RBFOX1: variants seen among roughly 807,000 people sequenced by gnomAD.
The protein encoded by RBFOX1 is RNA binding protein fox-1 homolog 1.
RBFOX1 carries 8 observed loss-of-function variants against 57.7 expected under a neutral mutation model. The observed-to-expected ratio is 0.14, with a 90% CI of 0.08 to 0.25. The LOEUF is 0.25. Ranked by LOEUF, RBFOX1 falls within the 10% of genes least tolerant of loss-of-function variation. The pLI, the probability that RBFOX1 is intolerant of heterozygous loss-of-function variation, is 1.00. For synonymous variants in RBFOX1, 326 were observed against 222.4 expected, an observed-to-expected ratio of 1.47 and a Z score of -4.15; for missense variants, 611 against 548.5, an observed-to-expected ratio of 1.11 and a Z score of -1.14.
intron 3 of RBFOX1, among the ~76,000 whole-genome samples, chr16:6,739,101 A>T (rs1007669741): frequency 2.6e-5 from 4 of 152,256 alleles, no homozygotes; most frequent in South Asian, 4.1e-4. Context: ...AGAGCTAAAT[A>T]AACCTAAAGC....
intron 3 of RBFOX1, among the ~76,000 whole-genome samples, chr16:6,837,565 G>A (rs981988264): frequency 1.3e-5 from 2 of 152,078 alleles, no homozygotes; most frequent in Non-Finnish European, 1.5e-5. Flanking sequence ...GTGAGTACTG[G>A]GCTCAGACTG....
At chr16:6,695,622 C>T (rs896016628) in intron 3 of RBFOX1, among the ~76,000 whole-genome samples, 1 of 152,026 alleles carries the variant, frequency 6.6e-6, no homozygotes, top group African/African-American at 2.4e-5. Context: ...TTGGAATCTT[C>T]TTTAGGGAGA....
intron 3 of RBFOX1, among the ~76,000 whole-genome samples, chr16:6,792,615 C>T (rs1321448016): frequency 6.6e-6 from 1 of 152,182 alleles, no homozygotes; most frequent in East Asian, 1.9e-4. Flanking sequence ...TTGCAAAAAG[C>T]CTTCATGTAA....
chr16:6,580,287 G>T (rs1380293753), intron 2 of RBFOX1, among the ~76,000 whole-genome samples: 3 of 152,148 alleles, frequency 2.0e-5, no homozygotes, highest in Non-Finnish European at 4.4e-5. Flanking sequence ...GGTTTATGTT[G>T]TTTGACTTTT....
chr16:6,361,312 C>T (rs1329310866), intron 2 of RBFOX1, among the ~76,000 whole-genome samples: 1 of 152,024 alleles, frequency 6.6e-6, no homozygotes, highest in African/African-American at 2.4e-5. Flanking sequence ...ACACCAGGAA[C>T]AAGATTGAGA....
At chr16:6,359,992 A>G (rs1286172398) in intron 2 of RBFOX1, among the ~76,000 whole-genome samples, 1 of 152,224 alleles carries the variant, frequency 6.6e-6, no homozygotes, top group African/African-American at 2.4e-5. Flanking sequence ...TAATTAGAGA[A>G]TGTAGTGATT....
chr16:5,575,697 C>T (rs925097567), intron 2 of RBFOX1, among the ~76,000 whole-genome samples: 1 of 152,160 alleles, frequency 6.6e-6, no homozygotes, highest in Non-Finnish European at 1.5e-5. Flanking sequence ...GTGAATAATC[C>T]ATTTGCCTTG....
At chr16:7,389,746 A>T (rs2097958640) in intron 4 of RBFOX1, among the ~76,000 whole-genome samples, 1 of 152,104 alleles carries the variant, frequency 6.6e-6, no homozygotes, top group Non-Finnish European at 1.5e-5. Flanking sequence ...CAGCAACAAC[A>T]CCAATAATAA....
intron 9 of RBFOX1, among the ~76,000 whole-genome samples, chr16:7,599,724 C>T (rs2094912825): frequency 6.9e-6 from 1 of 144,942 alleles, no homozygotes; most frequent in African/African-American, 2.7e-5. Flanking sequence ...TGGCTCATTG[C>T]ACCCTCTGCC....
chr16:6,268,884 G>A lies in RBFOX1; in HGVS notation c.-126-48111G>A, dbSNP rs1050277975. Among the ~76,000 whole-genome samples, 3 of 152,106 alleles carry A rather than the reference G, an allele frequency of 2.0e-5. 1 individual carries two copies. Among genetic ancestry groups the A allele is most frequent in the African/African-American group, 7.2e-5 (3 of 41,418 alleles). ...GCAGTCTTCCCGCAGTATCAGTGGG[G>A]GACTGGTTCCAGGACAGTCCAAAAT... On this transcript the variant is annotated intron_variant, in intron 1 of 15. Coordinates refer to ENST00000550418, the MANE Select transcript of RBFOX1 (RefSeq NM_018723.4).
At chr16:5,700,008 A>G (rs2050983354) in intron 3 of RBFOX1, among the ~76,000 whole-genome samples, 1 of 151,766 alleles carries the variant, frequency 6.6e-6, no homozygotes, top group Middle Eastern at 3.2e-3. Context: ...AATTTTTTGT[A>G]TTTTTAGTAG....
At chr16:5,255,186 T>G (rs956324361) in intron 1 of RBFOX1, among the ~76,000 whole-genome samples, 19 of 152,238 alleles carry the variant, frequency 1.2e-4, no homozygotes, top group Admixed American at 1.0e-3. Flanking sequence ...ATCATGAGTA[T>G]TACAGAGGCA....
intron 2 of RBFOX1, among the ~76,000 whole-genome samples, chr16:6,513,279 G>T (rs888443125): frequency 6.6e-6 from 1 of 152,202 alleles, no homozygotes; most frequent in African/African-American, 2.4e-5. Flanking sequence ...CGTAGCAAAT[G>T]CCTGGCAAAG....
intron 4 of RBFOX1, among the ~76,000 whole-genome samples, chr16:7,236,001 G>C (rs2093747677): frequency 6.6e-6 from 1 of 152,144 alleles, no homozygotes; most frequent in South Asian, 2.1e-4. Context: ...TTAGTAACTA[G>C]AGAGATTTAA....
At chr16:6,780,480 A>G (rs1197470058) in intron 3 of RBFOX1, among the ~76,000 whole-genome samples, 4 of 96,010 alleles carry the variant, frequency 4.2e-5, no homozygotes, top group Non-Finnish European at 7.9e-5. Context: ...ATACATTTTT[A>G]TATATATTTA....
intron 2 of RBFOX1, among the ~76,000 whole-genome samples, chr16:6,495,429 C>T (rs144704279): frequency 6.6e-6 from 1 of 151,006 alleles, no homozygotes; most frequent in South Asian, 2.1e-4. Context: ...CCGCGCCTGG[C>T]AGACAGCCAT....
intron 4 of RBFOX1, among the ~76,000 whole-genome samples, chr16:7,186,245 A>AATATAG (rs1374945548): frequency 9.3e-5 from 12 of 128,734 alleles, no homozygotes; most frequent in South Asian, 2.4e-4. Context: ...TATTTATATA[A>AATATAG]ACATAAACAT....
At chr16:5,931,499 C>T (rs746623246) in intron 4 of RBFOX1, among the ~76,000 whole-genome samples, 2 of 152,214 alleles carry the variant, frequency 1.3e-5, no homozygotes, top group Non-Finnish European at 2.9e-5. Context: ...GCTGAAAAAG[C>T]AACAGATGCC....
intron 2 of RBFOX1, among the ~76,000 whole-genome samples, chr16:6,601,279 G>T (rs1002539774): frequency 1.3e-5 from 2 of 152,108 alleles, no homozygotes; most frequent in African/African-American, 4.8e-5. Flanking sequence ...TAATTAGAAA[G>T]ATACGGCTCT....
Sources: allele counts gnomAD v4.1 joint callset (sites outside exome capture counted in the v4.1 genomes callset), GRCh38; gene constraint gnomAD v4.1.1; transcripts MANE v1.5; gene names NCBI Gene and HGNC (gene_info 2026-07-23, HGNC 2026-07-21).